Variants in MYOF observed in about 807,000 individuals in gnomAD.
MYOF encodes the protein fer-1-like 3, myoferlin.
A neutral mutation model predicts 284.2 loss-of-function variants in MYOF; 244 were observed. The ratio of observed to expected loss-of-function variants is 0.86; its 90% confidence interval spans 0.77 to 0.95. The LOEUF is 0.95. Among genes scored for constraint, MYOF ranks in the 40% least tolerant of loss-of-function variants. The pLI, the probability that MYOF is intolerant of heterozygous loss-of-function variation, is 0.00. For synonymous variants in MYOF, 904 were observed against 919.7 expected (o/e 0.98, Z 0.31); for missense variants, 2,496 against 2,560.6 (o/e 0.97, Z 0.54).
At chr10:93,429,488 A>G (rs1210401002) in intron 4 of MYOF, among the ~76,000 whole-genome samples, 2 of 152,242 alleles carry the variant, frequency 1.3e-5, no homozygotes, top group Admixed American at 1.3e-4. Flanking sequence ...GCTTTAAAAA[A>G]AGAAGGCAGA....
intron 36 of MYOF, among the ~76,000 whole-genome samples, 188 bp from the exon 37 acceptor site, chr10:93,347,970 G>A (rs979347423): frequency 5.9e-5 from 9 of 152,212 alleles, no homozygotes; most frequent in Admixed American, 2.0e-4. Flanking sequence ...CAGACTGCCT[G>A]GGTCAAATCC....
rs770502402 is a variant in MYOF, at chr10:93,325,921, G to A, written c.5176C>T (p.Arg1726Trp). 13 of 1,613,908 alleles carry A rather than the reference G, an allele frequency of 8.1e-6. No individual in the cohort carries two copies. The highest frequency in any genetic ancestry group is 5.5e-5 in the South Asian group (5 of 91,062). The change falls in exon 46 of 54, where the codon CGG becomes TGG. Residue 1726 changes from arginine (R) to tryptophan (W), a missense_variant. Arg to Trp is a moderately radical substitution (Grantham distance 101, BLOSUM62 -3). Coordinates refer to ENST00000359263, the MANE Select transcript of MYOF (RefSeq NM_013451.4). ...LHQHLGAPEE[R>W]LALHILRTQG... ...GTCCTGAGGATGTGAAGAGCAAGCC[G>A]CTCTTCAGGGGCCCCGAGGTGCTGG...
At chr10:93,371,362 A>G (rs1037867427) in intron 24 of MYOF, among the ~76,000 whole-genome samples, 9 of 152,182 alleles carry the variant, frequency 5.9e-5, no homozygotes, top group African/African-American at 1.9e-4. Context: ...CCCTTTTCCA[A>G]CTACATATCT....
chr10:93,383,971 A>G (rs939660024), intron 19 of MYOF, among the ~76,000 whole-genome samples: 3 of 152,194 alleles, frequency 2.0e-5, no homozygotes, highest in Admixed American at 2.0e-4. Context: ...TTGCAAAATG[A>G]CCCACAGAAT....
rs1453951714 is a variant in MYOF, at chr10:93,333,832, CG to C, written c.4644del (p.Ser1548ArgfsTer16). On this transcript the variant is annotated frameshift_variant, in exon 42 of 54. Transcript: ENST00000359263. LOFTEE classifies it high-confidence loss of function. Reference sequence around the variant, plus strand: ...ATCCTAACCGTGCATTCCTGTGGGACGCTGTCAGGTAATTCCCGAAACTGTC... The same window carrying C: ...ATCCTAACCGTGCATTCCTGTGGGACCTGTCAGGTAATTCCCGAAACTGTC... ...PPRQFRELPD[S>X]VPQECTVRIY... The C allele has an allele frequency of 6.2e-7, 1 of 1,613,964 alleles. No individual in the cohort carries two copies. Among genetic ancestry groups the C allele is most frequent in the Non-Finnish European group, 8.5e-7 (1 of 1,180,026 alleles).
rs1193371529 is a variant in MYOF at position 93,333,772 on chromosome 10, C to T, written c.4705G>A (p.Asp1569Asn). 3 of 1,614,152 alleles carry T rather than the reference C, an allele frequency of 1.9e-6. 1 individual carries two copies. Among genetic ancestry groups the T allele is most frequent in the Non-Finnish European group, 2.5e-6 (3 of 1,179,998 alleles). Residue 1569 changes from aspartate (D) to asparagine (N), a missense_variant, in exon 42 of 54, where the codon GAC becomes AAC. Around this residue, in one of 3 missense-constraint regions of MYOF, gnomAD observed 2,436 missense variants for 2,480.7 expected, o/e 0.98. Transcript: ENST00000359263. ...IVRGLELQPQDNNGLCDPYIK... is the reference protein window; with the variant it reads ...IVRGLELQPQNNNGLCDPYIK... ...CAAACTCTTACCAGGCCATTGTTGTCCTGGGGCTGGAGCTCTAAGCCTCGA... is the reference window on the plus strand; with the variant it reads ...CAAACTCTTACCAGGCCATTGTTGTTCTGGGGCTGGAGCTCTAAGCCTCGA...
At chr10:93,361,979 C>T (rs957909732) in intron 27 of MYOF, among the ~76,000 whole-genome samples, 1 of 152,208 alleles carries the variant, frequency 6.6e-6, no homozygotes, top group Non-Finnish European at 1.5e-5. Context: ...GACAGAGCCT[C>T]GCTCTGTTGC....
chr10:93,377,656 C>A (rs956889852), intron 21 of MYOF, among the ~76,000 whole-genome samples: 19 of 151,866 alleles, frequency 1.3e-4, no homozygotes, highest in African/African-American at 4.6e-4. Flanking sequence ...CTAAACTAAC[C>A]CAAGTAACTT....
intron 46 of MYOF, 123 bp from the exon 47 acceptor site, chr10:93,323,481 A>G: frequency 1.1e-6 from 1 of 877,696 alleles, no homozygotes; most frequent in South Asian, 1.8e-5. Flanking sequence ...TTATTAGTCC[A>G]CATGGAAGGC....
chr10:93,455,692 G>T (rs555370645), intron 2 of MYOF, among the ~76,000 whole-genome samples: 31 of 152,210 alleles, frequency 2.0e-4, no homozygotes, highest in Non-Finnish European at 4.1e-4. Context: ...AACCCAGAAG[G>T]TTCTAGTCTT....
Position 93,381,344 on chromosome 10 carries a change from G to A in MYOF, c.1751C>T (p.Thr584Ile), listed in dbSNP as rs759921600. 6.8e-6 allele frequency: 11 copies of A among 1,614,208 alleles called. No individual in the cohort carries two copies. The highest frequency in any genetic ancestry group is 7.6e-6 in the Non-Finnish European group (9 of 1,180,042). ...YSLSAVFHSATMLQDVGEAIQ... is the reference protein window; with the variant it reads ...YSLSAVFHSAIMLQDVGEAIQ... Reference sequence around the variant, plus strand: ...GGCCTCACCAACATCTTGCAACATGGTGGCTGAATGAAACACGGCAGACAG... The same window carrying A: ...GGCCTCACCAACATCTTGCAACATGATGGCTGAATGAAACACGGCAGACAG... Residue 584 changes from threonine to isoleucine, a missense_variant, in exon 20 of 54, where the codon ACC becomes ATC. Physicochemically the swap from Thr to Ile is moderately conservative, Grantham distance 89. Around this residue, in one of 3 missense-constraint regions of MYOF, gnomAD observed 2,436 missense variants for 2,480.7 expected, o/e 0.98. Transcript: ENST00000359263.
In MYOF at chr10:93,349,947, T is replaced by C; in HGVS notation, c.3944A>G (p.Asn1315Ser). 1 of 1,614,138 alleles carries C rather than the reference T, an allele frequency of 6.2e-7. No individual in the cohort carries two copies. Among genetic ancestry groups the C allele is most frequent in the South Asian group, 1.1e-5 (1 of 91,074 alleles). ...AIEILAWGLR[N>S]MKNFQMASIT... ...AGAAGCCATCTGGAAGTTTTTCATA[T>C]TTCTTAAGCCCCAAGCTAGAATCTA... The change falls in exon 36 of 54, where the codon AAT (asparagine) becomes AGT (serine). Residue 1315 changes from asparagine (N) to serine (S), a missense_variant. Asn to Ser is a conservative substitution (Grantham distance 46, BLOSUM62 1). Transcript: ENST00000359263.
At position 93,319,930 on chromosome 10, in the gene MYOF, C is replaced by A. The variant is rs1202083218; in HGVS notation, c.5540G>T (p.Arg1847Leu). The change falls in exon 49 of 54, where the codon CGA (arginine) becomes CTA (leucine). Residue 1847 changes from arginine to leucine, a missense_variant. Physicochemically the swap from Arg to Leu is moderately radical, Grantham distance 102. Coordinates refer to ENST00000359263, the MANE Select transcript of MYOF (RefSeq NM_013451.4). ...SLDGEGNFNWRFVFPFDYLPA... is the reference protein window; with the variant it reads ...SLDGEGNFNWLFVFPFDYLPA... ...AAGGTAGTCAAACGGGAAAACAAAT[C>A]GCCAGTTAAAATTCCCTTCACCATC... 1.5e-5 allele frequency: 25 copies of A among 1,614,030 alleles called. No individual in the cohort carries two copies. Among genetic ancestry groups the A allele is most frequent in the Non-Finnish European group, 1.9e-5 (22 of 1,180,040 alleles).
intron 1 of MYOF, among the ~76,000 whole-genome samples, chr10:93,460,767 C>CAAA (rs757591863): frequency 0.13 from 3,160 of 24,974 alleles, 120 homozygotes; most frequent in East Asian, 0.48. Context: ...ACCCCATCTC[C>CAAA]AAAAAAAAAA....
intron 44 of MYOF, 76 bp from the exon 45 acceptor site, chr10:93,328,987 T>G (rs2133795978): frequency 6.8e-7 from 1 of 1,479,904 alleles, no homozygotes; most frequent in East Asian, 2.3e-5. Context: ...TACATGCTCA[T>G]GTACTCTTAG....
intron 38 of MYOF, among the ~76,000 whole-genome samples, chr10:93,340,999 G>A (rs918791189): frequency 1.3e-5 from 2 of 152,300 alleles, no homozygotes; most frequent in East Asian, 1.9e-4. Flanking sequence ...AGCTGCTTCC[G>A]TAGGTGCCCC....
At chr10:93,398,550 T>C (rs568729420) in intron 13 of MYOF, among the ~76,000 whole-genome samples, 18 of 152,338 alleles carry the variant, frequency 1.2e-4, no homozygotes, top group East Asian at 1.9e-4. Flanking sequence ...TGATTGTTAT[T>C]ATCTCCCTTT....
chr10:93,461,877 A>C (rs1473762751), intron 1 of MYOF, among the ~76,000 whole-genome samples: 1 of 152,220 alleles, frequency 6.6e-6, no homozygotes, highest in Non-Finnish European at 1.5e-5. Context: ...GTGGCCCAAC[A>C]ATTCTCCCAA....
intron 4 of MYOF, among the ~76,000 whole-genome samples, chr10:93,426,891 T>TTC (rs1308574430): frequency 4.3e-5 from 6 of 141,100 alleles, no homozygotes; most frequent in Admixed American, 2.8e-4. Flanking sequence ...TGTCTTTTTT[T>TTC]TTTTTTTTTT....
Sources: gnomAD v4.1 joint callset for allele counts (sites outside exome capture counted in the v4.1 genomes callset) on GRCh38, gnomAD v4.1.1 for gene constraint, gnomAD v4.1.1 regional missense constraint, MANE v1.5 for transcripts, NCBI Gene and HGNC (gene_info 2026-07-23, HGNC 2026-07-21) for gene names.